ERC1: variants seen among roughly 807,000 people sequenced by gnomAD.
ERC1 encodes ELKS/RAB6-interacting/CAST family member 1.
Under a neutral mutation model 132.0 loss-of-function variants are expected in ERC1, and 56 were observed. That is an observed-to-expected ratio of 0.42 (90% CI 0.34 to 0.53). The LOEUF is 0.53. Among genes scored for constraint, ERC1 ranks in the 20% least tolerant of loss-of-function variants. ERC1 has a pLI of 0.03. For missense variants in ERC1, 1,202 were observed against 1,349.9 expected, an observed-to-expected ratio of 0.89 and a Z score of 1.72; for synonymous variants, 478 against 476.1, an observed-to-expected ratio of 1.00 and a Z score of -0.05.
At chr12:1,175,880 C>T (rs748083582) in intron 8 of ERC1, among the ~76,000 whole-genome samples, 3 of 152,252 alleles carry the variant, frequency 2.0e-5, no homozygotes, top group East Asian at 3.9e-4. Flanking sequence ...TCAGTCACAG[C>T]GTCAGGCTCC....
At chr12:1,080,179 G>A (rs984478640) in intron 2 of ERC1, among the ~76,000 whole-genome samples, 3 of 151,948 alleles carry the variant, frequency 2.0e-5, no homozygotes, top group East Asian at 1.9e-4. Context: ...TAACCATTTC[G>A]AAGTGTACAG....
intron 18 of ERC1, among the ~76,000 whole-genome samples, chr12:1,488,020 C>A (rs2094261487): frequency 6.6e-6 from 1 of 151,810 alleles, no homozygotes; most frequent in Non-Finnish European, 1.5e-5. Flanking sequence ...CGCCTGTAGT[C>A]CCAGGTACTC....
intron 13 of ERC1, among the ~76,000 whole-genome samples, chr12:1,256,716 G>A (rs890578760): frequency 6.6e-6 from 1 of 150,596 alleles, no homozygotes; most frequent in Non-Finnish European, 1.5e-5. Flanking sequence ...TATCTTGCTG[G>A]TTTCACATTC....
chr12:1,397,682 AG>A (rs1385179201), intron 16 of ERC1, among the ~76,000 whole-genome samples: 2 of 152,202 alleles, frequency 1.3e-5, no homozygotes, highest in Non-Finnish European at 2.9e-5. Flanking sequence ...TACCCAAAAA[AG>A]TTACCTCTAA....
intron 2 of ERC1, among the ~76,000 whole-genome samples, chr12:1,061,435 T>A (rs1290072466): frequency 5.0e-5 from 7 of 141,040 alleles, no homozygotes; most frequent in Admixed American, 7.0e-5. Flanking sequence ...GTCTCTACTA[T>A]AAAAAAAAAA....
intron 15 of ERC1, among the ~76,000 whole-genome samples, chr12:1,321,108 A>G (rs1329068010): frequency 1.3e-5 from 2 of 152,240 alleles, no homozygotes; most frequent in East Asian, 3.8e-4. Flanking sequence ...ACATGGTAAC[A>G]TGGCGAGTGC....
At chr12:1,487,864 C>T (rs1038131070) in intron 18 of ERC1, among the ~76,000 whole-genome samples, 8 of 151,502 alleles carry the variant, frequency 5.3e-5, no homozygotes, top group Admixed American at 2.6e-4. Flanking sequence ...AAAGGCCAGG[C>T]GCGGTGACTC....
chr12:1,287,027 T>C (rs1245035860), intron 14 of ERC1, among the ~76,000 whole-genome samples: 1 of 152,122 alleles, frequency 6.6e-6, no homozygotes, highest in African/African-American at 2.4e-5. Flanking sequence ...TCAAGCCTTA[T>C]AAAGTGATAA....
chr12:1,103,061 G>A (rs764592970), intron 3 of ERC1, among the ~76,000 whole-genome samples: 1 of 151,992 alleles, frequency 6.6e-6, no homozygotes, highest in African/African-American at 2.4e-5. Flanking sequence ...CTGGCATGAC[G>A]TCATTTTCCT....
intron 2 of ERC1, among the ~76,000 whole-genome samples, chr12:1,054,574 C>G (rs1435850002): frequency 1.3e-5 from 2 of 151,882 alleles, no homozygotes; most frequent in African/African-American, 4.8e-5. Context: ...TGTTTTTCTC[C>G]TGGCATGTCA....
intron 15 of ERC1, among the ~76,000 whole-genome samples, chr12:1,358,160 G>A (rs1352594379): frequency 6.7e-6 from 1 of 149,862 alleles, no homozygotes; most frequent in African/African-American, 2.5e-5. Context: ...CTGCGATCAT[G>A]CCTGTGAAAA....
At chr12:1,075,658 T>C (rs957491119) in intron 2 of ERC1, among the ~76,000 whole-genome samples, 1 of 151,270 alleles carries the variant, frequency 6.6e-6, no homozygotes, top group Non-Finnish European at 1.5e-5. Flanking sequence ...GCCATTGCAC[T>C]CCAGCCTGGG....
At chr12:1,091,617 C>G (rs1943232361) in intron 3 of ERC1, among the ~76,000 whole-genome samples, 1 of 152,198 alleles carries the variant, frequency 6.6e-6, no homozygotes, top group South Asian at 2.1e-4. Flanking sequence ...CAAATCCATG[C>G]TGTCTTTGAG....
chr12:1,070,519 C>T (rs920456615), intron 2 of ERC1, among the ~76,000 whole-genome samples: 1 of 151,974 alleles, frequency 6.6e-6, no homozygotes, highest in Non-Finnish European at 1.5e-5. Context: ...CTCCTGGGCT[C>T]AAGCAGTCCT....
At chr12:1,011,311 C>A (rs950603186) in intron 1 of ERC1, among the ~76,000 whole-genome samples, 1 of 152,148 alleles carries the variant, frequency 6.6e-6, no homozygotes, top group African/African-American at 2.4e-5. Context: ...CTCAAGCTAT[C>A]CTCCTACCTC....
At chr12:1,222,014 GT>G (rs1594330603) in intron 12 of ERC1, among the ~76,000 whole-genome samples, 1 of 152,256 alleles carries the variant, frequency 6.6e-6, no homozygotes, top group East Asian at 1.9e-4. Context: ...GGTATAGACT[GT>G]TGCTCCTAGG....
intron 12 of ERC1, chr12:1,203,844 G>C (rs1339560252): frequency 6.6e-6 from 1 of 152,280 alleles, no homozygotes; most frequent in Non-Finnish European, 1.5e-5. Flanking sequence ...CATTGGAACT[G>C]AATTGATGTA....
rs145905200 is a variant in ERC1, at chr12:1,486,677, G to A, written c.3214-3416G>A. Among the ~76,000 whole-genome samples, 1,273 of 152,164 alleles carry A rather than the reference G, an allele frequency of 8.4e-3. 26 individuals carry two copies. Among genetic ancestry groups the A allele is most frequent in the African/African-American group, 0.029 (1,196 of 41,500 alleles). ...TGGCCTCAAGGGATCCGCCCACCTC[G>A]GCCTCCCAAAGTGCTGGGTTTACAG... On this transcript the variant is annotated intron_variant, in intron 18 of 18. Transcript: ENST00000360905.
intron 7 of ERC1, among the ~76,000 whole-genome samples, chr12:1,134,466 C>A (rs1949062290): frequency 6.6e-6 from 1 of 151,798 alleles, no homozygotes; most frequent in Non-Finnish European, 1.5e-5. Context: ...CCTGCTTCAG[C>A]CCCCTGAGTA....
Sources: allele counts gnomAD v4.1 joint callset (sites outside exome capture counted in the v4.1 genomes callset), GRCh38; gene constraint gnomAD v4.1.1; transcripts MANE v1.5; gene names NCBI Gene and HGNC (gene_info 2026-07-23, HGNC 2026-07-21).